Variants in NDUFAF5 observed in about 807,000 individuals in gnomAD.
The protein encoded by NDUFAF5 is NADH:ubiquinone oxidoreductase complex assembly factor 5.
NDUFAF5 carries 34 observed loss-of-function variants against 48.9 expected under a neutral mutation model. The observed-to-expected ratio is 0.70, with a 90% CI of 0.53 to 0.93. The LOEUF is 0.93. NDUFAF5 is among the 40% of genes least tolerant of loss of function. The pLI, the probability that NDUFAF5 is intolerant of heterozygous loss-of-function variation, is 0.00. For missense variants in NDUFAF5, 428 were observed against 427.5 expected, an observed-to-expected ratio of 1.00 and a Z score of -0.01; for synonymous variants, 153 against 150.6, an observed-to-expected ratio of 1.02 and a Z score of -0.12.
intron 3 of NDUFAF5, among the ~76,000 whole-genome samples, chr20:13,792,269 A>G (rs1346768667): frequency 6.6e-6 from 1 of 152,192 alleles, no homozygotes; most frequent in Non-Finnish European, 1.5e-5. Context: ...GTAGCATGAA[A>G]TCTTTCCAAG....
At chr20:13,788,039 G>A (rs6079175) in intron 2 of NDUFAF5, among the ~76,000 whole-genome samples, 148,222 of 152,292 alleles carry the variant, frequency 0.97, 72,245 homozygotes, top group East Asian at 1. Context: ...ACTGCCCCTT[G>A]TTAGTTGAGG....
intron 3 of NDUFAF5, among the ~76,000 whole-genome samples, chr20:13,792,399 T>C (rs945143948): frequency 5.9e-5 from 9 of 152,160 alleles, no homozygotes; most frequent in African/African-American, 1.9e-4. Context: ...AATGCTGTGC[T>C]TCAAAGAGGT....
At chr20:13,793,397 C>G (rs558167544) in intron 4 of NDUFAF5, among the ~76,000 whole-genome samples, 170 bp downstream of exon 4, 2 of 152,278 alleles carry the variant, frequency 1.3e-5, no homozygotes, top group East Asian at 3.9e-4. Flanking sequence ...ACCCCTAGTC[C>G]TACCATTCAG....
intron 4 of NDUFAF5, among the ~76,000 whole-genome samples, chr20:13,794,153 C>G (rs1278847519): frequency 6.6e-6 from 1 of 152,118 alleles, no homozygotes; most frequent in African/African-American, 2.4e-5. Context: ...ATATATCAGT[C>G]TTTTCCTTTA....
At chr20:13,789,223 G>GGT (rs1455071253) in intron 3 of NDUFAF5, among the ~76,000 whole-genome samples, 2 of 151,532 alleles carry the variant, frequency 1.3e-5, no homozygotes, top group East Asian at 2.0e-4. Context: ...GGAGTACAGT[G>GGT]GCACGATCTC....
chr20:13,793,343 C>A, intron 4 of NDUFAF5, 116 bp downstream of exon 4: 1 of 919,242 alleles, frequency 1.1e-6, no homozygotes, highest in Admixed American at 2.0e-5. Context: ...TGAAAAGGAA[C>A]TCATACAGGA....
chr20:13,787,263 A>G (rs920267646), intron 1 of NDUFAF5, 49 bp from the exon 2 acceptor site: 1 of 1,594,764 alleles, frequency 6.3e-7, no homozygotes, highest in Non-Finnish European at 8.6e-7. Context: ...TGAATACTGG[A>G]AAAAGAGTGT....
At chr20:13,797,288 G>T (rs1449201891) in intron 5 of NDUFAF5, among the ~76,000 whole-genome samples, 2 of 152,192 alleles carry the variant, frequency 1.3e-5, no homozygotes, top group Admixed American at 1.3e-4. Flanking sequence ...GCAAAAACCT[G>T]CACACAAATG....
intron 7 of NDUFAF5, 105 bp from the exon 8 acceptor site, chr20:13,808,737 G>T: frequency 1.4e-6 from 1 of 691,700 alleles, no homozygotes. Context: ...AATATTTTTT[G>T]CTTAGCATGG....
intron 2 of NDUFAF5, 81 bp downstream of exon 2, chr20:13,787,433 T>A (rs6042361): frequency 1.5e-6 from 2 of 1,302,160 alleles, no homozygotes; most frequent in Admixed American, 1.7e-5. Flanking sequence ...ACTTGCTATC[T>A]GAAATGGCAG....
At position 13,819,328 on chromosome 20, in the gene NDUFAF5, GATAA is replaced by G. The variant is rs1330261937; in HGVS notation, c.*2123_*2126del. ...AATGTTACATTCTTAAATGGTATAT[GATAA>G]ATAATCATCTTTTTTGTTGGTTTAT... On this transcript the variant is annotated 3_prime_UTR_variant, in exon 11 of 11. Coordinates refer to ENST00000378106, the MANE Select transcript of NDUFAF5 (RefSeq NM_024120.5). 1 of 152,116 alleles carries G rather than the reference GATAA, an allele frequency of 6.6e-6. No homozygotes were observed. Among genetic ancestry groups the G allele is most frequent in the Non-Finnish European group, 1.5e-5 (1 of 68,004 alleles). The allele number at this position is 152,116 out of a possible 1,614,324, so 9.4% of individuals were successfully genotyped here.
At chr20:13,801,984 G>T in intron 7 of NDUFAF5, 1 of 314,482 alleles carries the variant, frequency 3.2e-6, no homozygotes, top group Non-Finnish European at 6.0e-6. Context: ...TTCAAATCTA[G>T]TATTAGGTGT....
chr20:13,795,197 A>G (rs1983000063), intron 5 of NDUFAF5, among the ~76,000 whole-genome samples: 1 of 152,166 alleles, frequency 6.6e-6, no homozygotes, highest in Non-Finnish European at 1.5e-5. Flanking sequence ...TCTGTGATAG[A>G]AGGTTTTTCT....
chr20:13,790,396 G>C (rs960717251), intron 3 of NDUFAF5, among the ~76,000 whole-genome samples: 1 of 152,066 alleles, frequency 6.6e-6, no homozygotes, highest in Non-Finnish European at 1.5e-5. Context: ...CATCTAATCC[G>C]TCAGCAGCTT....
chr20:13,812,233 G>A (rs915001560), intron 8 of NDUFAF5, among the ~76,000 whole-genome samples: 1 of 152,184 alleles, frequency 6.6e-6, no homozygotes, highest in African/African-American at 2.4e-5. Context: ...TCTGCAAACG[G>A]AAAGATGCGT....
intron 6 of NDUFAF5, 67 bp from the exon 7 acceptor site, chr20:13,801,415 CTATA>C: frequency 1.1e-6 from 1 of 951,466 alleles, no homozygotes; most frequent in South Asian, 1.7e-5. Context: ...AATTTAGACA[CTATA>C]TATTTATTTT....
At chr20:13,802,397 G>A (rs747641897) in intron 7 of NDUFAF5, among the ~76,000 whole-genome samples, 17 of 151,990 alleles carry the variant, frequency 1.1e-4, no homozygotes, top group Non-Finnish European at 2.1e-4. Context: ...GGCTGGGTGC[G>A]GTGGCTCACG....
At chr20:13,793,266 G>A (rs1028349635) in intron 4 of NDUFAF5, 39 bp downstream of exon 4, 32 of 1,481,228 alleles carry the variant, frequency 2.2e-5, no homozygotes, top group Non-Finnish European at 2.8e-5. Context: ...CTAATCTCGT[G>A]ATGTGTTTTC....
In NDUFAF5 at chr20:13,793,011, G is replaced by A; in HGVS notation, c.328-169G>A. The A allele has an allele frequency of 4.3e-6, 3 of 700,600 alleles. No individual in the cohort carries two copies. The South Asian group carries it at 4.9e-5, about 12-fold the overall frequency. The allele number at this position is 700,600 out of a possible 1,614,324, so 43.4% of individuals were successfully genotyped here. A position where few individuals can be genotyped will look rare whatever the true frequency, so the allele number is the denominator to read the frequency against. On this transcript the variant is annotated intron_variant, in intron 3 of 10. Coordinates refer to ENST00000378106, the MANE Select transcript of NDUFAF5 (RefSeq NM_024120.5). ...ATTTTATTACATATAGTTAAATATA[G>A]CAAAGGATATGTGTTATTAAAAGTA...
Sources: allele counts gnomAD v4.1 joint callset (sites outside exome capture counted in the v4.1 genomes callset), GRCh38; gene constraint gnomAD v4.1.1; transcripts MANE v1.5; gene names NCBI Gene and HGNC (gene_info 2026-07-23, HGNC 2026-07-21).